The following PBK variants were observed in gnomAD, a reference collection of about 807,000 sequenced individuals.
PBK encodes the protein PDZ binding kinase.
Under a neutral mutation model 33.5 loss-of-function variants are expected in PBK, and 22 were observed. That is an observed-to-expected ratio of 0.66 (90% confidence interval 0.47 to 0.94). PBK has a LOEUF of 0.94. Ranked by LOEUF, PBK falls within the 40% of genes least tolerant of loss-of-function variation. The pLI is 0.00. For missense variants in PBK, 376 were observed against 383.4 expected (o/e 0.98, Z 0.16); for synonymous variants, 129 against 123.8 (o/e 1.04, Z -0.28).
chr8:27,812,954 G>A lies in PBK; in HGVS notation c.596-1820C>T, dbSNP rs142940625. 7.3e-3 allele frequency among the ~76,000 whole-genome samples: 1,109 copies of A among 152,290 alleles called. 12 individuals are homozygous for A. Among genetic ancestry groups the A allele is most frequent in the African/African-American group, 0.025 (1,050 of 41,564 alleles). On this transcript the variant is annotated intron_variant, in intron 6 of 7. Coordinates refer to ENST00000301905, the MANE Select transcript of PBK (RefSeq NM_018492.4). ...AGAACTAGAAATACCATTTGACCCA[G>A]CAATCCCATTACTGGGTATACACCC... is the stretch of plus-strand genomic sequence containing the variant.
chr8:27,818,117 T>TA (rs1292160094), intron 6 of PBK, among the ~76,000 whole-genome samples: 1 of 152,200 alleles, frequency 6.6e-6, no homozygotes, highest in African/African-American at 2.4e-5. Context: ...GTATAAGTCC[T>TA]AAAGGGAGAA....
intron 1 of PBK, among the ~76,000 whole-genome samples, chr8:27,833,956 C>T (rs1173897745): frequency 2.0e-5 from 3 of 150,116 alleles, no homozygotes; most frequent in African/African-American, 4.9e-5. Context: ...CTGATATATA[C>T]AAGAATGAAC....
chr8:27,817,569 C>T (rs1363502596), intron 6 of PBK, among the ~76,000 whole-genome samples: 1 of 150,588 alleles, frequency 6.6e-6, no homozygotes, highest in African/African-American at 2.4e-5. Context: ...TTTCTATAAA[C>T]CTAGTTATAT....
At chr8:27,811,732 G>A (rs1200197854) in intron 6 of PBK, among the ~76,000 whole-genome samples, 2 of 152,138 alleles carry the variant, frequency 1.3e-5, no homozygotes, top group African/African-American at 2.4e-5. Context: ...GATCAATTTA[G>A]TAAGCATTAA....
At position 27,811,077 on chromosome 8, in the gene PBK, A is replaced by G; in HGVS notation, c.653T>C (p.Val218Ala). The change falls in exon 7 of 8, where the codon GTG (valine) becomes GCG (alanine). Residue 218 changes from valine (V) to alanine (A), a missense_variant. Val to Ala is a moderately conservative substitution (Grantham distance 64). Transcript: ENST00000301905. ...GTEPWKPKEA[V>A]EENGVITDKA... ...GTCAGTAATAACACCATTCTCCTCC[A>G]CAGCTTCTTTGGGTTTCCATGGCTC... The G allele has an allele frequency of 6.2e-7, 1 of 1,613,266 alleles. No homozygotes were observed.
At chr8:27,821,388 G>A (rs775362688) in intron 5 of PBK, among the ~76,000 whole-genome samples, 15 of 152,082 alleles carry the variant, frequency 9.9e-5, no homozygotes, top group East Asian at 7.7e-4. Flanking sequence ...TCAGCCTCCC[G>A]AGTAGCTGGG....
In PBK at chr8:27,811,153, T is replaced by A; in HGVS notation, c.596-19A>T. 6.2e-7 allele frequency: 1 copy of A among 1,612,738 alleles called. No individual in the cohort carries two copies. The highest frequency in any genetic ancestry group is 1.3e-5 in the African/African-American group (1 of 75,004). ...TCAGTCACTGAAACAAGCAAGATGG[T>A]TATGAAGGCAGGAGCTACAAATCAC... On this transcript the variant is annotated intron_variant, in intron 6 of 7. Coordinates refer to ENST00000301905, the MANE Select transcript of PBK (RefSeq NM_018492.4).
chr8:27,834,342 A>G lies in PBK; in HGVS notation c.-20-1209T>C, dbSNP rs1444106236. Among the ~76,000 whole-genome samples, 4 of 152,154 alleles carry G rather than the reference A, an allele frequency of 2.6e-5. No homozygotes were observed. The East Asian group carries it at 7.7e-4, about 29-fold the overall frequency. On this transcript the variant is annotated intron_variant, in intron 1 of 7. Coordinates refer to ENST00000301905, the MANE Select transcript of PBK (RefSeq NM_018492.4). ...GTGCCCGTCCAATGATCCCATTTTTAGGAAATGTCCAGAATAGGCAAATCA... is the reference window on the plus strand; with the variant it reads ...GTGCCCGTCCAATGATCCCATTTTTGGGAAATGTCCAGAATAGGCAAATCA...
At chr8:27,829,828 T>C (rs1014347783) in intron 2 of PBK, among the ~76,000 whole-genome samples, 4 of 150,586 alleles carry the variant, frequency 2.7e-5, no homozygotes, top group South Asian at 2.1e-4. Flanking sequence ...GATAGCGCCA[T>C]TGCACTCCAG....
intron 3 of PBK, among the ~76,000 whole-genome samples, chr8:27,826,906 GGA>G (rs1806036812): frequency 7.2e-6 from 1 of 138,586 alleles, no homozygotes; most frequent in African/African-American, 2.5e-5. Context: ...TTAAAAAGGG[GGA>G]AAAAAATGAA....
chr8:27,816,931 C>G (rs1224069589), intron 6 of PBK, among the ~76,000 whole-genome samples: 2 of 151,980 alleles, frequency 1.3e-5, no homozygotes, highest in African/African-American at 4.8e-5. Flanking sequence ...CACATTGTTG[C>G]ATAGTCTGTT....
intron 2 of PBK, among the ~76,000 whole-genome samples, chr8:27,828,743 T>TA (rs1806073225): frequency 2.7e-5 from 1 of 36,440 alleles, no homozygotes. Flanking sequence ...AGACACAGTC[T>TA]CAAAAAAAAA....
chr8:27,832,057 A>C (rs1159406634), intron 2 of PBK, among the ~76,000 whole-genome samples: 1 of 152,188 alleles, frequency 6.6e-6, no homozygotes, highest in Non-Finnish European at 1.5e-5. Flanking sequence ...TATCCCAAAA[A>C]GACAACTGCA....
At chr8:27,829,559 A>G (rs1039724875) in intron 2 of PBK, among the ~76,000 whole-genome samples, 8 of 152,240 alleles carry the variant, frequency 5.3e-5, no homozygotes, top group Non-Finnish European at 1.5e-5. Flanking sequence ...AAATATGACC[A>G]ATATAGGAGA....
At chr8:27,813,569 ACCT>A (rs1171790268) in intron 6 of PBK, among the ~76,000 whole-genome samples, 1 of 150,916 alleles carries the variant, frequency 6.6e-6, no homozygotes, top group African/African-American at 2.5e-5. Context: ...GTAAACACTG[ACCT>A]CATAGCCACA....
At position 27,810,352 on chromosome 8, in the gene PBK, G is replaced by A. The variant is rs765445598; in HGVS notation, c.922C>T (p.Arg308Cys). The change falls in exon 8 of 8, where the codon CGT becomes TGT. Residue 308 changes from arginine to cysteine, a missense_variant. Physicochemically the swap from Arg to Cys is radical, Grantham distance 180. Coordinates refer to ENST00000301905, the MANE Select transcript of PBK (RefSeq NM_018492.4). Reference sequence around the variant, plus strand: ...TCAACAATGTGTGCAGCAGAAGGACGATCTTTAGGGTCTTCATTAGTGCAT... The same window carrying A: ...TCAACAATGTGTGCAGCAGAAGGACAATCTTTAGGGTCTTCATTAGTGCAT... ...SVCTNEDPKD[R>C]PSAAHIVEAL... is the part of the protein sequence containing the mutation. 3 of 1,612,524 alleles carry A rather than the reference G, an allele frequency of 1.9e-6. No homozygotes were observed. Among genetic ancestry groups the A allele is most frequent in the South Asian group, 1.1e-5 (1 of 91,024 alleles).
chr8:27,813,034 G>T (rs532655292), intron 6 of PBK, among the ~76,000 whole-genome samples: 1 of 152,304 alleles, frequency 6.6e-6, no homozygotes, highest in African/African-American at 2.4e-5. Context: ...TATGTTTATT[G>T]TGGCACTATT....
intron 2 of PBK, among the ~76,000 whole-genome samples, chr8:27,829,760 G>C (rs557955968): frequency 2.6e-5 from 4 of 152,024 alleles, no homozygotes; most frequent in African/African-American, 9.6e-5. Flanking sequence ...CCAGCTACTC[G>C]GGAGGCTGAG....
intron 6 of PBK, among the ~76,000 whole-genome samples, chr8:27,816,979 GAT>G (rs1247861646): frequency 6.6e-6 from 1 of 151,986 alleles, no homozygotes; most frequent in Non-Finnish European, 1.5e-5. Flanking sequence ...TAAAAAGATT[GAT>G]ATTTTTCCCA....
Sources: allele counts gnomAD v4.1 joint callset (sites outside exome capture counted in the v4.1 genomes callset), GRCh38; gene constraint gnomAD v4.1.1; transcripts MANE v1.5; gene names NCBI Gene and HGNC (gene_info 2026-07-23, HGNC 2026-07-21).